Variants in CNTNAP2 observed in about 807,000 individuals in gnomAD.
CNTNAP2 encodes contactin associated protein 2, also known as contactin-associated protein-like 2.
CNTNAP2 carries 98 observed loss-of-function variants against 155.2 expected under a neutral mutation model. The ratio of observed to expected loss-of-function variants is 0.63; its 90% CI spans 0.54 to 0.75. The LOEUF is 0.75. CNTNAP2 is among the 30% of genes least tolerant of loss of function. The pLI is 0.00. For missense variants in CNTNAP2, 1,727 were observed against 1,688.1 expected (o/e 1.02, Z -0.40); for synonymous variants, 651 against 631.2 (o/e 1.03, Z -0.47).
chr7:146,798,691 CT>C (rs1261205436), intron 2 of CNTNAP2, among the ~76,000 whole-genome samples: 1 of 152,110 alleles, frequency 6.6e-6, no homozygotes, highest in Admixed American at 6.5e-5. Context: ...TGAAATATTT[CT>C]GGTTAACAAC....
At chr7:147,447,510 G>A (rs925991834) in intron 10 of CNTNAP2, among the ~76,000 whole-genome samples, 1 of 152,076 alleles carries the variant, frequency 6.6e-6, no homozygotes, top group African/African-American at 2.4e-5. Context: ...CCGCCTCCTG[G>A]GTTCAAGCAA....
intron 15 of CNTNAP2, among the ~76,000 whole-genome samples, chr7:148,090,738 A>T (rs118150970): frequency 6.6e-6 from 1 of 152,098 alleles, no homozygotes; most frequent in Non-Finnish European, 1.5e-5. Flanking sequence ...CAGCAATCCC[A>T]CTATTGGCTA....
At chr7:146,765,439 T>A (rs1802177559) in intron 1 of CNTNAP2, among the ~76,000 whole-genome samples, 1 of 152,192 alleles carries the variant, frequency 6.6e-6, no homozygotes, top group Non-Finnish European at 1.5e-5. Flanking sequence ...AGTGAATACA[T>A]CTCAATAGTC....
chr7:146,808,316 C>T (rs771603453), intron 2 of CNTNAP2, among the ~76,000 whole-genome samples: 7 of 152,182 alleles, frequency 4.6e-5, no homozygotes, highest in Non-Finnish European at 7.4e-5. Context: ...TAACAAGATG[C>T]TGTGCATTGA....
rs935929456 is a variant in CNTNAP2, at chr7:146,167,048, A to G, written c.97+50075A>G. Among the ~76,000 whole-genome samples, 7 of 152,160 alleles carry G rather than the reference A, an allele frequency of 4.6e-5. No individual in the cohort carries two copies. In the East Asian group the frequency reaches 1.4e-3, roughly 29 times the overall value. On this transcript the variant is annotated intron_variant, in intron 1 of 23. Coordinates refer to ENST00000361727, the MANE Select transcript of CNTNAP2 (RefSeq NM_014141.6). The stretch of plus-strand genomic sequence containing the variant: ...TTTCTTCCCAGACATGAAGCTGGGG[A>G]ATTTTAATTGATAGTGACAACTGGG...
At chr7:146,472,421 T>C (rs954809299) in intron 1 of CNTNAP2, among the ~76,000 whole-genome samples, 6 of 152,212 alleles carry the variant, frequency 3.9e-5, no homozygotes, top group African/African-American at 1.4e-4. Context: ...ACATAATATG[T>C]AGCCTCAAAG....
intron 12 of CNTNAP2, among the ~76,000 whole-genome samples, chr7:147,562,788 C>T (rs915529478): frequency 2.6e-5 from 4 of 152,032 alleles, no homozygotes; most frequent in African/African-American, 7.3e-5. Context: ...TCTCCACTTC[C>T]ATGTGAAATG....
chr7:147,364,819 A>C (rs939202839), intron 9 of CNTNAP2, among the ~76,000 whole-genome samples: 1 of 151,944 alleles, frequency 6.6e-6, no homozygotes, highest in Admixed American at 6.6e-5. Context: ...ACTGCACTCC[A>C]GCCTGGGCGA....
At chr7:146,508,229 G>T (rs1797414054) in intron 1 of CNTNAP2, among the ~76,000 whole-genome samples, 2 of 152,172 alleles carry the variant, frequency 1.3e-5, no homozygotes, top group South Asian at 4.1e-4. Flanking sequence ...GAAGTAACCT[G>T]TCGGGGTTGT....
At chr7:146,172,836 C>T (rs915959730) in intron 1 of CNTNAP2, among the ~76,000 whole-genome samples, 10 of 152,098 alleles carry the variant, frequency 6.6e-5, no homozygotes, top group African/African-American at 2.4e-4. Context: ...GCAAGATATT[C>T]TGCAGGGGAA....
At chr7:147,411,879 G>T (rs2116489521) in intron 10 of CNTNAP2, among the ~76,000 whole-genome samples, 1 of 152,180 alleles carries the variant, frequency 6.6e-6, no homozygotes, top group Admixed American at 6.5e-5. Context: ...CTGCCCAGTT[G>T]ATGTTTCGAA....
chr7:147,902,347 GA>G (rs1490230474), intron 13 of CNTNAP2, among the ~76,000 whole-genome samples: 3 of 151,902 alleles, frequency 2.0e-5, no homozygotes, highest in Non-Finnish European at 4.4e-5. Flanking sequence ...ATATACTTTT[GA>G]AAACTCGTCT....
intron 10 of CNTNAP2, among the ~76,000 whole-genome samples, chr7:147,433,026 CA>C (rs1465873032): frequency 6.6e-6 from 1 of 152,156 alleles, no homozygotes; most frequent in East Asian, 1.9e-4. Context: ...CATTTCAAAA[CA>C]GAAAGGTAGA....
intron 4 of CNTNAP2, among the ~76,000 whole-genome samples, chr7:147,054,116 C>G (rs1415910858): frequency 6.6e-6 from 1 of 152,084 alleles, no homozygotes; most frequent in Non-Finnish European, 1.5e-5. Context: ...TCTTCTTCAC[C>G]CGTAAGGGCT....
intron 3 of CNTNAP2, among the ~76,000 whole-genome samples, chr7:146,908,070 G>C (rs1336891234): frequency 1.3e-5 from 2 of 152,096 alleles, no homozygotes; most frequent in African/African-American, 4.8e-5. Flanking sequence ...TTACATAATG[G>C]TAAAGGGATT....
intron 11 of CNTNAP2, among the ~76,000 whole-genome samples, chr7:147,561,487 TA>T (rs564268083): frequency 3.2e-4 from 48 of 152,072 alleles, no homozygotes; most frequent in Non-Finnish European, 5.6e-4. Context: ...AGCACTGGAA[TA>T]AAAAGGGAAA....
chr7:147,235,379 T>TGC (rs1159454955), intron 8 of CNTNAP2, among the ~76,000 whole-genome samples: 1 of 151,628 alleles, frequency 6.6e-6, no homozygotes, highest in Non-Finnish European at 1.5e-5. Flanking sequence ...TGTGTGTGTG[T>TGC]GTATTTACAT....
At chr7:146,927,952 A>ATG (rs1029535268) in intron 3 of CNTNAP2, among the ~76,000 whole-genome samples, 21 of 128,546 alleles carry the variant, frequency 1.6e-4, no homozygotes, top group East Asian at 1.4e-3. Flanking sequence ...AAGTTATATA[A>ATG]TGTGTGTGTA....
chr7:148,362,025 C>T (rs112473619), intron 21 of CNTNAP2, among the ~76,000 whole-genome samples: 5,723 of 152,148 alleles, frequency 0.038, 290 homozygotes, highest in African/African-American at 0.12. Context: ...CTAGCCAATA[C>T]AGTGAAACCT....
Sources: gnomAD v4.1 joint callset for allele counts (sites outside exome capture counted in the v4.1 genomes callset) on GRCh38, gnomAD v4.1.1 for gene constraint, MANE v1.5 for transcripts, NCBI Gene and HGNC (gene_info 2026-07-23, HGNC 2026-07-21) for gene names.